The following SUCLG2 variants were observed in gnomAD, a reference collection of about 807,000 sequenced individuals.
The protein encoded by SUCLG2 is succinate-CoA ligase GDP-forming subunit beta.
SUCLG2 carries 42 observed loss-of-function variants against 47.9 expected under a neutral mutation model. The observed-to-expected ratio is 0.88, with a 90% CI of 0.69 to 1.14. The LOEUF (loss-of-function observed/expected upper bound fraction) is 1.14, where lower values mean the gene tolerates loss of function less well. SUCLG2 is among the 50% of genes most tolerant of loss of function. SUCLG2 has a pLI of 0.00. For synonymous variants in SUCLG2, 195 were observed against 197.3 expected (o/e 0.99, Z 0.10); for missense variants, 571 against 525.9 (o/e 1.09, Z -0.84).
In SUCLG2 at chr3:67,443,491, A is replaced by C. The variant is rs1575699466; in HGVS notation, c.1063-42640T>G. Among the ~76,000 whole-genome samples the C allele has an allele frequency of 2.7e-5, 2 of 73,638 alleles. 1 individual carries two copies. The highest frequency in any genetic ancestry group is 6.1e-5 in the Non-Finnish European group (2 of 32,938). The allele number at this position is 73,638 out of a possible 152,430, so 48.3% of individuals were successfully genotyped here. ...CCGCCACCCCGTCTGGGAAGTGAGG[A>C]GTGTCTGTGCCTGGCCGCCCATCGT... On this transcript the variant is annotated intron_variant, in intron 9 of 10. Coordinates refer to ENST00000307227, the MANE Select transcript of SUCLG2 (RefSeq NM_003848.4).
chr3:67,454,717 C>T (rs1182902859), intron 9 of SUCLG2, among the ~76,000 whole-genome samples: 1 of 152,148 alleles, frequency 6.6e-6, no homozygotes, highest in African/African-American at 2.4e-5. Flanking sequence ...AATCCCAACA[C>T]TTTGGGAGGC....
intron 2 of SUCLG2, among the ~76,000 whole-genome samples, chr3:67,562,714 C>T (rs1707339236): frequency 6.6e-6 from 1 of 152,178 alleles, no homozygotes; most frequent in Non-Finnish European, 1.5e-5. Flanking sequence ...AAGAAGACAA[C>T]CACTCTGGTC....
At chr3:67,608,874 G>C (rs1290533062) in intron 2 of SUCLG2, among the ~76,000 whole-genome samples, 1 of 151,886 alleles carries the variant, frequency 6.6e-6, no homozygotes, top group Non-Finnish European at 1.5e-5. Flanking sequence ...AACGGGTTCT[G>C]CTATGTTGCC....
intron 9 of SUCLG2, among the ~76,000 whole-genome samples, chr3:67,414,672 C>G (rs1702999822): frequency 6.6e-6 from 1 of 152,158 alleles, no homozygotes; most frequent in Non-Finnish European, 1.5e-5. Flanking sequence ...ACTAGGCTTA[C>G]TAGACAAAAT....
At chr3:67,383,693 A>C (rs1406755960) in intron 10 of SUCLG2, among the ~76,000 whole-genome samples, 1 of 152,202 alleles carries the variant, frequency 6.6e-6, no homozygotes, top group East Asian at 1.9e-4. Context: ...GTTTAGGATC[A>C]AGTCTAACAT....
chr3:67,524,643 CTGGGG>C (rs1196610411), intron 4 of SUCLG2, among the ~76,000 whole-genome samples: 16 of 152,284 alleles, frequency 1.1e-4, no homozygotes, highest in African/African-American at 3.6e-4. Flanking sequence ...GTTCTATAAT[CTGGGG>C]ACTTATACTT....
intron 2 of SUCLG2, among the ~76,000 whole-genome samples, chr3:67,532,425 A>G (rs1373524995): frequency 1.3e-5 from 2 of 152,132 alleles, no homozygotes; most frequent in African/African-American, 4.8e-5. Context: ...CATAAAATAG[A>G]TTTTATATAG....
intron 9 of SUCLG2, among the ~76,000 whole-genome samples, chr3:67,422,906 T>G (rs905959387): frequency 3.9e-5 from 6 of 152,126 alleles, no homozygotes; most frequent in South Asian, 2.1e-4. Flanking sequence ...CCCATCACAT[T>G]AGGTGGAAGC....
At chr3:67,411,984 C>T (rs1050701637) in intron 9 of SUCLG2, among the ~76,000 whole-genome samples, 1 of 152,110 alleles carries the variant, frequency 6.6e-6, no homozygotes, top group Admixed American at 6.5e-5. Context: ...TATTTAATAT[C>T]AGGAGGAATG....
chr3:67,538,559 T>G (rs1399418625), intron 2 of SUCLG2, among the ~76,000 whole-genome samples: 1 of 152,182 alleles, frequency 6.6e-6, no homozygotes, highest in Non-Finnish European at 1.5e-5. Context: ...CCTGGTTCCA[T>G]ATGAAAGTTA....
intron 10 of SUCLG2, among the ~76,000 whole-genome samples, chr3:67,397,121 G>C (rs1179873429): frequency 6.6e-6 from 1 of 151,608 alleles, no homozygotes; most frequent in Non-Finnish European, 1.5e-5. Context: ...ACAAGACAGG[G>C]ATGCCCTCTC....
chr3:67,627,297 T>G (rs1700850212), intron 1 of SUCLG2, among the ~76,000 whole-genome samples: 1 of 152,188 alleles, frequency 6.6e-6, no homozygotes, highest in Admixed American at 6.5e-5. Context: ...CTTTGGGAAA[T>G]GCCATAGACT....
rs182933847 is a variant in SUCLG2, at chr3:67,363,747, A to C, written c.1184-2979T>G. 2.8e-4 allele frequency among the ~76,000 whole-genome samples: 43 copies of C among 152,316 alleles called. 1 individual carries two copies. In the East Asian group the frequency reaches 6.9e-3, roughly 25 times the overall value. On this transcript the variant is annotated intron_variant, in intron 10 of 10. Transcript: ENST00000493112. ...ATATGGTTTAAAAAAAGGGTAACTCAGCAAACAGATCAAAGAGAGAACAAT... is the reference window on the plus strand; with the variant it reads ...ATATGGTTTAAAAAAAGGGTAACTCCGCAAACAGATCAAAGAGAGAACAAT...
chr3:67,434,890 C>T (rs1382250474), intron 9 of SUCLG2, among the ~76,000 whole-genome samples: 1 of 152,120 alleles, frequency 6.6e-6, no homozygotes, highest in Non-Finnish European at 1.5e-5. Flanking sequence ...ATACATTGTA[C>T]CAGTTCTTAA....
chr3:67,479,907 C>A (rs1032484109), intron 9 of SUCLG2, among the ~76,000 whole-genome samples: 3 of 152,290 alleles, frequency 2.0e-5, no homozygotes, highest in South Asian at 2.1e-4. Context: ...ATGAACTCTA[C>A]CTATTATCTG....
In SUCLG2 at chr3:67,530,196, A is replaced by G. The variant is rs566305032; in HGVS notation, c.227-1010T>C. Among the ~76,000 whole-genome samples, 4 of 152,276 alleles carry G rather than the reference A, an allele frequency of 2.6e-5. No homozygotes were observed. The East Asian group carries it at 5.8e-4, about 22-fold the overall frequency. ...AAACCCAGGTTTCAATCTGGCCTTC[A>G]TCCCTCACCCAGCTGTGTGACATTA... On this transcript the variant is annotated intron_variant, in intron 2 of 10. Transcript: ENST00000307227.
downstream of SUCLG2, among the ~76,000 whole-genome samples, chr3:67,372,138 C>CTCAA (rs2106750968): frequency 6.6e-6 from 1 of 152,278 alleles, no homozygotes; most frequent in African/African-American, 2.4e-5. Context: ...TCCCAGGATG[C>CTCAA]TCAATAGTCA....
At chr3:67,436,894 C>T (rs1033055787) in intron 9 of SUCLG2, among the ~76,000 whole-genome samples, 26 of 152,238 alleles carry the variant, frequency 1.7e-4, no homozygotes, top group African/African-American at 6.0e-4. Flanking sequence ...TGTTTAAACA[C>T]CTACATGTAC....
At chr3:67,520,771 T>C (rs1483275560) in intron 4 of SUCLG2, 137 bp from the exon 5 acceptor site, 5 of 944,182 alleles carry the variant, frequency 5.3e-6, no homozygotes, top group Non-Finnish European at 3.2e-6. Flanking sequence ...TTGCAGAGCT[T>C]TGAGAGTTCT....
Sources: gnomAD v4.1 joint callset for allele counts (sites outside exome capture counted in the v4.1 genomes callset) on GRCh38, gnomAD v4.1.1 for gene constraint, MANE v1.5 for transcripts, NCBI Gene and HGNC (gene_info 2026-07-23, HGNC 2026-07-21) for gene names.